PALLD: variants seen among roughly 807,000 people sequenced by gnomAD.
The protein encoded by PALLD is palladin.
Under a neutral mutation model 123.5 loss-of-function variants are expected in PALLD, and 61 were observed. The observed-to-expected ratio is 0.49, with a 90% CI of 0.40 to 0.61. PALLD has a LOEUF of 0.61. Ranked by LOEUF, PALLD falls within the 20% of genes least tolerant of loss-of-function variation. PALLD has a pLI of 0.00. For synonymous variants in PALLD, 465 were observed against 496.4 expected, an observed-to-expected ratio of 0.94 and a Z score of 0.84; for missense variants, 1,273 against 1,377.0, an observed-to-expected ratio of 0.92 and a Z score of 1.20.
intron 2 of PALLD, among the ~76,000 whole-genome samples, chr4:168,641,017 G>A (rs1363599640): frequency 6.6e-6 from 1 of 152,084 alleles, no homozygotes; most frequent in African/African-American, 2.4e-5. Context: ...GACCATCCTG[G>A]CTAACACAGT....
intron 2 of PALLD, among the ~76,000 whole-genome samples, chr4:168,653,553 G>A (rs1311447857): frequency 6.6e-6 from 1 of 152,176 alleles, no homozygotes; most frequent in Non-Finnish European, 1.5e-5. Flanking sequence ...GAGAGATATG[G>A]CTGAGGCAGA....
Position 168,683,077 on chromosome 4 carries a change from C to G in PALLD, c.1234C>G (p.Gln412Glu). 1 of 1,608,722 alleles carries G rather than the reference C, an allele frequency of 6.2e-7. No homozygotes were observed. The highest frequency in any genetic ancestry group is 8.5e-7 in the Non-Finnish European group (1 of 1,175,180). Reference protein sequence around the residue: ...PKTGVTTAVIQPLSVPVQQVH... With the variant: ...PKTGVTTAVIEPLSVPVQQVH... ...GACAGGGGTGACCACAGCTGTGATT[C>G]AACCACTGTCTGTCCCTGTGCAACA... The change falls in exon 5 of 22, where the codon CAA becomes GAA. Residue 412 changes from glutamine (Q) to glutamate (E), a missense_variant. Gln to Glu is a conservative substitution (Grantham distance 29). This residue lies in a region of PALLD where 944 missense variants were observed against 954.5 expected (regional missense o/e 0.99). Coordinates refer to ENST00000505667, the MANE Select transcript of PALLD (RefSeq NM_001166108.2).
At chr4:168,661,110 G>A (rs1779095600) in intron 2 of PALLD, among the ~76,000 whole-genome samples, 1 of 152,032 alleles carries the variant, frequency 6.6e-6, no homozygotes, top group Non-Finnish European at 1.5e-5. Context: ...TCACCATGCT[G>A]GCCAGGCTGG....
At chr4:168,750,329 C>T (rs4550880) in intron 10 of PALLD, among the ~76,000 whole-genome samples, 85,605 of 152,024 alleles carry the variant, frequency 0.56, 24,566 homozygotes, top group African/African-American at 0.67. Flanking sequence ...CCTCCAGCCA[C>T]ATCCATGTTG....
chr4:168,896,664 T>C (rs1014056261), intron 13 of PALLD, 65 bp downstream of exon 13: 3 of 860,280 alleles, frequency 3.5e-6, no homozygotes, highest in Admixed American at 4.5e-5. Context: ...CTGTTCTTCC[T>C]GTTTTACGTG....
intron 2 of PALLD, among the ~76,000 whole-genome samples, chr4:168,600,224 A>G (rs918041033): frequency 7.9e-5 from 12 of 152,182 alleles, no homozygotes; most frequent in Admixed American, 6.5e-5. Context: ...TTTGGCCACA[A>G]TTTAGTTTAC....
chr4:168,507,866 G>A (rs2319916), intron 1 of PALLD, among the ~76,000 whole-genome samples: 59,260 of 151,990 alleles, frequency 0.39, 12,408 homozygotes, highest in East Asian at 0.59. Flanking sequence ...TTTCTGTTTA[G>A]CTGAAATGCT....
At chr4:168,804,710 A>C (rs535480030) in intron 10 of PALLD, among the ~76,000 whole-genome samples, 122 of 152,380 alleles carry the variant, frequency 8.0e-4, no homozygotes, top group South Asian at 3.1e-3. Context: ...AATTAAGTAA[A>C]TATTATAGTT....
intron 10 of PALLD, among the ~76,000 whole-genome samples, chr4:168,768,038 T>G (rs1235341554): frequency 1.3e-5 from 2 of 152,162 alleles, no homozygotes; most frequent in Admixed American, 1.3e-4. Flanking sequence ...CATTTGACCT[T>G]TTGGAAAACC....
Position 168,794,838 on chromosome 4 carries a change from G to A in PALLD, c.1964+82915G>A, listed in dbSNP as rs926507796. Among the ~76,000 whole-genome samples the A allele has an allele frequency of 5.0e-4, 76 of 152,330 alleles. 1 individual carries two copies. Among genetic ancestry groups the A allele is most frequent in the Non-Finnish European group, 9.3e-4 (63 of 68,028 alleles). On this transcript the variant is annotated intron_variant, in intron 10 of 21. Transcript: ENST00000505667. ...TTAGCGATCATTAGTAGTAGTGGTA[G>A]TCATAGTAGTGTGTTTTCTTATGGT... is the stretch of plus-strand genomic sequence containing the variant.
intron 2 of PALLD, among the ~76,000 whole-genome samples, chr4:168,659,982 CT>C: frequency 6.6e-6 from 1 of 152,128 alleles, no homozygotes. Flanking sequence ...GAAAGTGTAT[CT>C]TAGACTTTGC....
chr4:168,844,342 A>G lies in PALLD; in HGVS notation c.1965-46580A>G, dbSNP rs1302436410. 1 of 152,230 alleles carries G rather than the reference A, an allele frequency of 6.6e-6. No homozygotes were observed. Among genetic ancestry groups the G allele is most frequent in the Admixed American group, 6.5e-5 (1 of 15,282 alleles). 9.4% of individuals were successfully genotyped at this position (152,230 alleles called of 1,614,324 possible). A position where few individuals can be genotyped will look rare whatever the true frequency, so the allele number is the denominator to read the frequency against. ...ATTCAGTGATGCTGGTTATTTACAA[A>G]GTATTTTATCTACATTCTGTATTAA... On this transcript the variant is annotated intron_variant, in intron 10 of 21. Coordinates refer to ENST00000505667, the MANE Select transcript of PALLD (RefSeq NM_001166108.2). This position sits in a 1 kb window ranked among gnomAD's most constrained non-coding sequence, Gnocchi z 4.5.
At chr4:168,905,411 G>C (rs1170434605) in intron 15 of PALLD, among the ~76,000 whole-genome samples, 1 of 151,730 alleles carries the variant, frequency 6.6e-6, no homozygotes, top group African/African-American at 2.4e-5. Context: ...GCCTCCCAAA[G>C]TGTTAGCATT....
At chr4:168,665,688 T>C (rs1171956220) in intron 2 of PALLD, among the ~76,000 whole-genome samples, 1 of 152,182 alleles carries the variant, frequency 6.6e-6, no homozygotes, top group Non-Finnish European at 1.5e-5. Context: ...AAAGTGCACA[T>C]GATCACCTAG....
intron 10 of PALLD, among the ~76,000 whole-genome samples, chr4:168,853,733 T>A (rs1281330111): frequency 6.6e-6 from 1 of 151,974 alleles, no homozygotes; most frequent in Non-Finnish European, 1.5e-5. Flanking sequence ...GGTGAAGGAA[T>A]TTGGAGTTGA....
chr4:168,535,385 C>A (rs1232909941), intron 2 of PALLD, among the ~76,000 whole-genome samples: 1 of 152,074 alleles, frequency 6.6e-6, no homozygotes, highest in Non-Finnish European at 1.5e-5. Context: ...AATGATTTTC[C>A]AAAAGATTCA....
At chr4:168,719,883 G>A (rs537102595) in intron 10 of PALLD, among the ~76,000 whole-genome samples, 3 of 152,262 alleles carry the variant, frequency 2.0e-5, no homozygotes, top group African/African-American at 7.2e-5. Context: ...CTCCAACTTT[G>A]TCCATGTTGC....
chr4:168,697,638 C>T (rs146912398), intron 8 of PALLD, among the ~76,000 whole-genome samples: 1 of 152,186 alleles, frequency 6.6e-6, no homozygotes, highest in Non-Finnish European at 1.5e-5. Context: ...ATCTTACCCC[C>T]ACAGAAGCGT....
chr4:168,699,794 T>C (rs1012502918), intron 8 of PALLD, among the ~76,000 whole-genome samples: 5 of 152,190 alleles, frequency 3.3e-5, no homozygotes, highest in African/African-American at 1.2e-4. Context: ...AAACAGTTTC[T>C]GATTTAGTAA....
Sources: allele counts gnomAD v4.1 joint callset (sites outside exome capture counted in the v4.1 genomes callset), GRCh38; gene constraint gnomAD v4.1.1; regional missense constraint gnomAD v4.1.1; non-coding constraint Gnocchi (gnomAD v3.1); transcripts MANE v1.5; gene names NCBI Gene and HGNC (gene_info 2026-07-23, HGNC 2026-07-21).